The following NHSL1 variants were observed in gnomAD, a reference collection of about 807,000 sequenced individuals.
The protein encoded by NHSL1 is NHS like 1.
In NHSL1, 48 loss-of-function variants were observed where a neutral mutation model predicts 95.0. That is an observed-to-expected ratio of 0.51 (90% CI 0.40 to 0.64). NHSL1 has a LOEUF of 0.64. Among genes scored for constraint, NHSL1 ranks in the 30% least tolerant of loss-of-function variants. The pLI is 0.00. For missense variants in NHSL1, 1,971 were observed against 2,077.7 expected, an observed-to-expected ratio of 0.95 and a Z score of 1.00; for synonymous variants, 783 against 833.9, an observed-to-expected ratio of 0.94 and a Z score of 1.05.
intron 1 of NHSL1, among the ~76,000 whole-genome samples, chr6:138,664,338 C>T (rs1785267098): frequency 1.3e-5 from 2 of 152,180 alleles, no homozygotes; most frequent in Admixed American, 1.3e-4. Context: ...AGGCTGGGTA[C>T]CCAAGCCACA....
chr6:138,464,320 A>G, intron 3 of NHSL1: 1 of 623,500 alleles, frequency 1.6e-6, no homozygotes, highest in Non-Finnish European at 2.9e-6. Context: ...TCAGCGCCAC[A>G]CTCCTGGAGC....
At chr6:138,689,139 C>T (rs1251078131) in intron 1 of NHSL1, among the ~76,000 whole-genome samples, 1 of 152,182 alleles carries the variant, frequency 6.6e-6, no homozygotes, top group Non-Finnish European at 1.5e-5. Flanking sequence ...CACTAAGTCA[C>T]TAAGTATTAA....
intron 2 of NHSL1, among the ~76,000 whole-genome samples, chr6:138,491,084 T>C (rs1463735343): frequency 6.6e-6 from 1 of 152,224 alleles, no homozygotes; most frequent in African/African-American, 2.4e-5. Context: ...TTGAATGACA[T>C]AGGCCAGATT....
At chr6:138,535,901 C>T (rs572189635) in intron 1 of NHSL1, among the ~76,000 whole-genome samples, 29 of 152,280 alleles carry the variant, frequency 1.9e-4, no homozygotes, top group African/African-American at 6.3e-4. Context: ...AGAGCCTGTT[C>T]TCTCACTTCC....
At chr6:138,599,869 G>A (rs1034247734) in intron 1 of NHSL1, among the ~76,000 whole-genome samples, 7 of 152,046 alleles carry the variant, frequency 4.6e-5, no homozygotes, top group African/African-American at 7.2e-5. Context: ...GGGCATGGTG[G>A]CTCATGACAT....
chr6:138,451,335 C>T (rs1186766000), intron 3 of NHSL1, among the ~76,000 whole-genome samples: 6 of 152,282 alleles, frequency 3.9e-5, no homozygotes, highest in Admixed American at 2.0e-4. Context: ...TTCTTTAGGT[C>T]CCCTTAAGAG....
intron 1 of NHSL1, among the ~76,000 whole-genome samples, chr6:138,536,267 G>A (rs1434327073): frequency 3.3e-5 from 5 of 152,274 alleles, no homozygotes; most frequent in Middle Eastern, 3.4e-3. Context: ...ACTGGGGAGC[G>A]ACTAAGACAA....
At chr6:138,469,540 A>G (rs1223244238) in intron 3 of NHSL1, among the ~76,000 whole-genome samples, 1 of 152,144 alleles carries the variant, frequency 6.6e-6, no homozygotes, top group Non-Finnish European at 1.5e-5. Context: ...CCTGGGCAAC[A>G]TGGCAACACC....
chr6:138,618,355 C>T (rs866566332), intron 1 of NHSL1, among the ~76,000 whole-genome samples: 3 of 152,166 alleles, frequency 2.0e-5, no homozygotes, highest in Non-Finnish European at 2.9e-5. Flanking sequence ...CAATTAAAAC[C>T]TGATTTAAAA....
chr6:138,458,718 C>T (rs1161458921), intron 3 of NHSL1, among the ~76,000 whole-genome samples: 8 of 151,264 alleles, frequency 5.3e-5, no homozygotes, highest in African/African-American at 7.3e-5. Context: ...CCCAGCTACT[C>T]GGGAGGCTGA....
intron 2 of NHSL1, among the ~76,000 whole-genome samples, chr6:138,485,168 C>T (rs889738742): frequency 3.9e-5 from 6 of 152,116 alleles, no homozygotes; most frequent in South Asian, 4.1e-4. Flanking sequence ...GATTCTAAGC[C>T]AACACGGGAG....
intron 1 of NHSL1, among the ~76,000 whole-genome samples, chr6:138,528,574 A>C (rs541087869): frequency 6.6e-6 from 1 of 152,328 alleles, no homozygotes; most frequent in African/African-American, 2.4e-5. Flanking sequence ...TAATCACTTA[A>C]TTTCTACAAA....
intron 3 of NHSL1, among the ~76,000 whole-genome samples, chr6:138,470,977 G>T (rs1364838813): frequency 6.6e-6 from 1 of 152,060 alleles, no homozygotes; most frequent in African/African-American, 2.4e-5. Context: ...TATAAAGGAT[G>T]ACTTTTATAT....
chr6:138,526,101 A>AG (rs1462733957), intron 1 of NHSL1, among the ~76,000 whole-genome samples: 1 of 151,886 alleles, frequency 6.6e-6, no homozygotes, highest in Admixed American at 6.6e-5. Flanking sequence ...TCCAAAAAAA[A>AG]AAAAAAAGAA....
intron 1 of NHSL1, among the ~76,000 whole-genome samples, chr6:138,519,411 A>G (rs1366393270): frequency 3.9e-5 from 6 of 152,260 alleles, no homozygotes. Flanking sequence ...ATAAACACCC[A>G]AATATTGTAA....
chr6:138,565,956 A>G (rs921701458), intron 1 of NHSL1, among the ~76,000 whole-genome samples: 71 of 147,704 alleles, frequency 4.8e-4, no homozygotes, highest in African/African-American at 1.4e-3. Context: ...AAAAAAAAAA[A>G]GCAAACAAAC....
intron 3 of NHSL1, among the ~76,000 whole-genome samples, chr6:138,465,482 T>A (rs529905596): frequency 6.6e-6 from 1 of 152,298 alleles, no homozygotes; most frequent in African/African-American, 2.4e-5. Context: ...ACTATTCTTC[T>A]TACATACTTT....
intron 1 of NHSL1, among the ~76,000 whole-genome samples, chr6:138,580,679 T>C (rs1363116974): frequency 1.3e-5 from 2 of 152,166 alleles, no homozygotes; most frequent in African/African-American, 2.4e-5. Context: ...ACCACTGAAT[T>C]TGGCCAACAC....
chr6:138,470,050 T>C (rs1680477765), intron 3 of NHSL1, among the ~76,000 whole-genome samples: 2 of 152,162 alleles, frequency 1.3e-5, no homozygotes, highest in East Asian at 1.9e-4. Context: ...TATATAATAA[T>C]GTCTAATTAA....
Sources: allele counts gnomAD v4.1 joint callset (sites outside exome capture counted in the v4.1 genomes callset), GRCh38; gene constraint gnomAD v4.1.1; transcripts MANE v1.5; gene names NCBI Gene and HGNC (gene_info 2026-07-23, HGNC 2026-07-21).